MALRD1: variants seen among roughly 807,000 people sequenced by gnomAD.
MALRD1 encodes MAM and LDL-receptor class A domain-containing protein 1.
In MALRD1, 247 loss-of-function variants were observed where a neutral mutation model predicts 242.1. That is an observed-to-expected ratio of 1.02 (90% CI 0.92 to 1.13). The LOEUF (loss-of-function observed/expected upper bound fraction) is 1.13, where lower values mean the gene tolerates loss of function less well. Ranked by LOEUF, MALRD1 falls within the 50% of genes most tolerant of loss-of-function variation. The pLI, the probability that MALRD1 is intolerant of heterozygous loss-of-function variation, is 0.00. For synonymous variants in MALRD1, 995 were observed against 866.6 expected, an observed-to-expected ratio of 1.15 and a Z score of -2.60; for missense variants, 2,989 against 2,533.1, an observed-to-expected ratio of 1.18 and a Z score of -3.86.
At chr10:19,341,421 G>A (rs1423287234) in intron 24 of MALRD1, among the ~76,000 whole-genome samples, 1 of 146,518 alleles carries the variant, frequency 6.8e-6, no homozygotes, top group African/African-American at 2.5e-5. Flanking sequence ...AACAAAATAA[G>A]TAAAATAACA....
intron 1 of MALRD1, chr10:19,051,940 A>AC (rs1834516373): frequency 2.6e-5 from 5 of 195,834 alleles, no homozygotes; most frequent in African/African-American, 9.7e-5. Flanking sequence ...AAAAAAAAAA[A>AC]AAAAAAAAAA....
chr10:19,056,792 C>T (rs1834682160), intron 1 of MALRD1, among the ~76,000 whole-genome samples: 1 of 152,082 alleles, frequency 6.6e-6, no homozygotes, highest in African/African-American at 2.4e-5. Flanking sequence ...TTTAACATTT[C>T]ACTGTTAAGT....
intron 31 of MALRD1, among the ~76,000 whole-genome samples, chr10:19,502,701 T>C (rs543652147): frequency 6.6e-6 from 1 of 152,312 alleles, no homozygotes; most frequent in South Asian, 2.1e-4. Context: ...CAAATGCCTG[T>C]GAGCTCGTTA....
At chr10:19,147,074 C>T (rs537770313) in intron 11 of MALRD1, among the ~76,000 whole-genome samples, 1 of 152,168 alleles carries the variant, frequency 6.6e-6, no homozygotes, top group East Asian at 1.9e-4. Flanking sequence ...CCAGGTTGAT[C>T]TCAAACTCCT....
intron 29 of MALRD1, among the ~76,000 whole-genome samples, chr10:19,487,999 G>A (rs1449113769): frequency 2.0e-5 from 3 of 152,078 alleles, no homozygotes; most frequent in Non-Finnish European, 4.4e-5. Context: ...CTAATTGTCA[G>A]TAAATTACCT....
At chr10:19,361,527 A>G (rs1844896462) in intron 26 of MALRD1, among the ~76,000 whole-genome samples, 1 of 152,192 alleles carries the variant, frequency 6.6e-6, no homozygotes. Context: ...CTAAGCCTAC[A>G]TCTTAATAAA....
chr10:19,348,741 G>A (rs1588949333), intron 25 of MALRD1, among the ~76,000 whole-genome samples: 2 of 152,124 alleles, frequency 1.3e-5, no homozygotes, highest in East Asian at 3.9e-4. Context: ...ACTTGAGTTA[G>A]CTAGGCTAGG....
At chr10:19,491,209 A>C (rs1837478439) in intron 29 of MALRD1, 1 of 576,344 alleles carries the variant, frequency 1.7e-6, no homozygotes, top group African/African-American at 1.9e-5. Context: ...GGCTGCACAT[A>C]CCCTTTACCA....
At chr10:19,468,869 C>A (rs1272156626) in intron 29 of MALRD1, among the ~76,000 whole-genome samples, 1 of 152,010 alleles carries the variant, frequency 6.6e-6, no homozygotes, top group African/African-American at 2.4e-5. Flanking sequence ...AAATGTATTT[C>A]TATGAAAAGG....
Position 19,347,774 on chromosome 10 carries a change from C to T in MALRD1, c.3905C>T (p.Thr1302Ile), listed in dbSNP as rs1310313332. Residue 1302 changes from threonine (T) to isoleucine (I), a missense_variant, in exon 25 of 40, where the codon ACC becomes ATC. By Grantham distance (89) the Thr-to-Ile change is moderately conservative (BLOSUM62 -1). Coordinates refer to ENST00000454679, the MANE Select transcript of MALRD1 (RefSeq NM_001142308.3). ...TATATTTGGAAATATTTTCCAGGTACCTCCAGTGGGCGCTGTGATTTCGAA... is the reference window on the plus strand; with the variant it reads ...TATATTTGGAAATATTTTCCAGGTATCTCCAGTGGGCGCTGTGATTTCGAA... Reference protein sequence around the residue: ...NSDETTFICRTSSGRCDFEFD... With the variant: ...NSDETTFICRISSGRCDFEFD... 1 of 1,549,984 alleles carries T rather than the reference C, an allele frequency of 6.5e-7. No individual in the cohort carries two copies. Among genetic ancestry groups the T allele is most frequent in the South Asian group, 1.2e-5 (1 of 83,902 alleles).
intron 36 of MALRD1, among the ~76,000 whole-genome samples, chr10:19,676,831 G>C (rs1384859912): frequency 6.6e-6 from 1 of 152,000 alleles, no homozygotes; most frequent in Non-Finnish European, 1.5e-5. Context: ...CCTCTCCCCT[G>C]ACAGGACCCA....
upstream of MALRD1, among the ~76,000 whole-genome samples, chr10:19,047,357 T>G (rs1201829688): frequency 3.1e-4 from 4 of 12,704 alleles, no homozygotes; most frequent in East Asian, 2.9e-3. Flanking sequence ...GTTAATTAGG[T>G]GTGTGTGTGT....
intron 23 of MALRD1, among the ~76,000 whole-genome samples, chr10:19,329,153 G>A (rs369851431): frequency 3.3e-4 from 50 of 152,166 alleles, no homozygotes; most frequent in African/African-American, 1.0e-3. Flanking sequence ...AATATTAATG[G>A]CTTGTGAATA....
intron 29 of MALRD1, among the ~76,000 whole-genome samples, chr10:19,453,977 C>T (rs1835479255): frequency 6.6e-6 from 1 of 152,070 alleles, no homozygotes; most frequent in African/African-American, 2.4e-5. Flanking sequence ...TTGCAAGAGG[C>T]TAAGCCCAGG....
At chr10:19,101,777 A>G (rs1836269240) in intron 4 of MALRD1, among the ~76,000 whole-genome samples, 2 of 135,912 alleles carry the variant, frequency 1.5e-5, no homozygotes, top group East Asian at 2.1e-4. Flanking sequence ...ATATTATATT[A>G]TTATATATCC....
chr10:19,658,295 C>T (rs1203131982), intron 36 of MALRD1, among the ~76,000 whole-genome samples: 5 of 152,072 alleles, frequency 3.3e-5, no homozygotes. Context: ...TTGATATCTT[C>T]GTCTGTAAAA....
Position 19,372,825 on chromosome 10 carries a change from G to C in MALRD1, c.4442-14703G>C, listed in dbSNP as rs549153516. ...TACTTTAATAAAAATTTAAATTAAAGGTAAATTTAACTGGATAAGAGAGCT... is the reference window on the plus strand; with the variant it reads ...TACTTTAATAAAAATTTAAATTAAACGTAAATTTAACTGGATAAGAGAGCT... On this transcript the variant is annotated intron_variant, in intron 26 of 39. Coordinates refer to ENST00000454679, the MANE Select transcript of MALRD1 (RefSeq NM_001142308.3). Among the ~76,000 whole-genome samples the C allele has an allele frequency of 2.6e-5, 4 of 152,096 alleles. No individual in the cohort carries two copies. The South Asian group carries it at 8.3e-4, about 32-fold the overall frequency.
At chr10:19,066,573 A>G in intron 1 of MALRD1, 146 bp from the exon 2 acceptor site, 1 of 594,954 alleles carries the variant, frequency 1.7e-6, no homozygotes, top group South Asian at 9.2e-5. Context: ...AAAGCTTTGC[A>G]TGAATAAAGT....
chr10:19,589,813 A>G (rs1837665691), intron 33 of MALRD1, among the ~76,000 whole-genome samples: 1 of 152,114 alleles, frequency 6.6e-6, no homozygotes, highest in Non-Finnish European at 1.5e-5. Flanking sequence ...TCTTTGGGGT[A>G]TATGCGAATG....
Sources: gnomAD v4.1 joint callset for allele counts (sites outside exome capture counted in the v4.1 genomes callset) on GRCh38, gnomAD v4.1.1 for gene constraint, MANE v1.5 for transcripts, NCBI Gene and HGNC (gene_info 2026-07-23, HGNC 2026-07-21) for gene names.